The following PPP1R12C variants were observed in gnomAD, a reference collection of about 807,000 sequenced individuals.
PPP1R12C encodes leukocyte receptor cluster (LRC) encoded novel gene 3.
A neutral mutation model predicts 95.6 loss-of-function variants in PPP1R12C; 48 were observed. That is an observed-to-expected ratio of 0.50 (90% CI 0.40 to 0.64). The LOEUF (loss-of-function observed/expected upper bound fraction) is 0.64, where lower values mean the gene tolerates loss of function less well. Ranked by LOEUF, PPP1R12C falls within the 30% of genes least tolerant of loss-of-function variation. PPP1R12C has a pLI of 0.00. For missense variants in PPP1R12C, 1,057 were observed against 1,083.3 expected (o/e 0.98, Z 0.34); for synonymous variants, 480 against 460.8 (o/e 1.04, Z -0.53).
At chr19:55,113,476 GCCA>G (rs1453001866) in intron 1 of PPP1R12C, 15 of 1,472,700 alleles carry the variant, frequency 1.0e-5, no homozygotes, top group Non-Finnish European at 1.3e-5. Flanking sequence ...GCTGACACGG[GCCA>G]CCGTTTCTCA....
At chr19:55,096,414 AGGAGCTCACTGCCCAGGCGGGCACCGAG>A in intron 6 of PPP1R12C, 79 bp from the exon 7 acceptor site, 1 of 1,504,592 alleles carries the variant, frequency 6.6e-7, no homozygotes, top group East Asian at 2.3e-5. Flanking sequence ...ACAGCTGTGC[AGGAGCTCACTGCCCAGGCGGGCACCGAG>A]GGCTCGTGGG....
At chr19:55,108,957 C>T (rs184492079) in intron 3 of PPP1R12C, among the ~76,000 whole-genome samples, 3 of 152,288 alleles carry the variant, frequency 2.0e-5, no homozygotes, top group East Asian at 1.9e-4. Context: ...CCGCCCGCCT[C>T]GGCCTCCCTA....
chr19:55,092,740 G>A (rs191802870), intron 16 of PPP1R12C, 43 bp downstream of exon 16: 81 of 990,646 alleles, frequency 8.2e-5, no homozygotes, highest in African/African-American at 7.4e-4. Context: ...CCCGCCCCCC[G>A]GCCCACCCTC....
chr19:55,107,511 A>G (rs1414327644), intron 3 of PPP1R12C, among the ~76,000 whole-genome samples: 1 of 152,172 alleles, frequency 6.6e-6, no homozygotes, highest in Non-Finnish European at 1.5e-5. Flanking sequence ...ACCATGGAAT[A>G]CTATGCAGCC....
intron 3 of PPP1R12C, among the ~76,000 whole-genome samples, chr19:55,104,199 T>TAC (rs1555850741): frequency 0.37 from 44,500 of 119,456 alleles, 8,784 homozygotes; most frequent in South Asian, 0.59. Context: ...TATATATATA[T>TAC]ACACACACAC....
In PPP1R12C at chr19:55,096,097, C is replaced by T; in HGVS notation, c.1107G>A (p.Gly369=). The T allele has an allele frequency of 6.2e-7, 1 of 1,601,016 alleles. No individual in the cohort carries two copies. Among genetic ancestry groups the T allele is most frequent in the Non-Finnish European group, 8.5e-7 (1 of 1,175,118 alleles). ...CATCCTCGTCCTGGATGGGGGGCCC[C>T]CCAGCCCCACCAGGCCGGCGCTCCT... ...LSKERRPGGA[G]GPPIQDEDEG... Residue 369 remains glycine (G), a synonymous_variant, in exon 8 of 22, where the codon GGG becomes GGA. Coordinates refer to ENST00000263433, the MANE Select transcript of PPP1R12C (RefSeq NM_017607.4).
At chr19:55,113,009 C>G in intron 1 of PPP1R12C, 2 of 617,692 alleles carry the variant, frequency 3.2e-6, no homozygotes, top group South Asian at 4.2e-5. Flanking sequence ...GTGGAAACCA[C>G]GAAAGGACTC....
chr19:55,103,550 G>A lies in PPP1R12C; in HGVS notation c.590C>T (p.Ala197Val). 2 of 1,590,384 alleles carry A rather than the reference G, an allele frequency of 1.3e-6. No homozygotes were observed. Among genetic ancestry groups the A allele is most frequent in the South Asian group, 1.1e-5 (1 of 89,498 alleles). Residue 197 changes from alanine to valine, a missense_variant, in exon 4 of 22, where the codon GCC (alanine) becomes GTC (valine). Physicochemically the swap from Ala to Val is moderately conservative, Grantham distance 64. Transcript: ENST00000263433. ...GAGCAATTCCTCTTCTGCCCGCTTGGCTGCTTCCACATCCACACCTAGGAG... is the reference window on the plus strand; with the variant it reads ...GAGCAATTCCTCTTCTGCCCGCTTGACTGCTTCCACATCCACACCTAGGAG... Reference protein sequence around the residue: ...IARRGVDVEAAKRAEEELLLH... With the variant: ...IARRGVDVEAVKRAEEELLLH...
At chr19:55,104,197 T>C (rs372181728) in intron 3 of PPP1R12C, among the ~76,000 whole-genome samples, 35 of 114,060 alleles carry the variant, frequency 3.1e-4, no homozygotes, top group African/African-American at 8.0e-4. Context: ...TATATATATA[T>C]ATACACACAC....
rs1267593647 is a variant in PPP1R12C, at chr19:55,117,319, G to A, written c.225C>T (p.Asp75=). The stretch of plus-strand genomic sequence containing the variant: ...GGTCGAGCTCGGCGCCGGGGCCAGG[G>A]TCGGCGGCGCGCAGCATCAGACGCG... ...DEARLMLRAA[D]PGPGAELDPA... The change falls in exon 1 of 22, where the codon GAC becomes GAT. Residue 75 remains aspartate (D), a synonymous_variant. Coordinates refer to ENST00000263433, the MANE Select transcript of PPP1R12C (RefSeq NM_017607.4). 8 of 1,184,860 alleles carry A rather than the reference G, an allele frequency of 6.8e-6. No individual in the cohort carries two copies. In the East Asian group the frequency reaches 2.6e-4, roughly 39 times the overall value. 73.4% of individuals were successfully genotyped at this position (1,184,860 alleles called of 1,614,324 possible). A position where few individuals can be genotyped will look rare whatever the true frequency, so the allele number is the denominator to read the frequency against.
Position 55,095,891 on chromosome 19 carries a change from C to A in PPP1R12C, c.1203G>T (p.Pro401=), listed in dbSNP as rs376962430. ...CCACGGGACTCTTAGGGCTGGGGTG[C>A]GGCGGGGAGGAGACGCCATTGAGGG... ...PRTLNGVSSP[P]HPSPKSPVQL... Residue 401 remains proline (P), a synonymous_variant, in exon 9 of 22, where the codon CCG becomes CCT. Coordinates refer to ENST00000263433, the MANE Select transcript of PPP1R12C (RefSeq NM_017607.4). 15 of 1,613,518 alleles carry A rather than the reference C, an allele frequency of 9.3e-6. No individual in the cohort carries two copies. The highest frequency in any genetic ancestry group is 1.3e-5 in the African/African-American group (1 of 75,030).
At chr19:55,112,877 A>C in intron 1 of PPP1R12C, 82 bp from the exon 2 acceptor site, 1 of 1,569,124 alleles carries the variant, frequency 6.4e-7, no homozygotes, top group Non-Finnish European at 8.7e-7. Flanking sequence ...GGAGCCACGA[A>C]AACAGATCCA....
At position 55,095,905 on chromosome 19, in the gene PPP1R12C, C is replaced by T. The variant is rs182130382; in HGVS notation, c.1189G>A (p.Val397Ile). Reference sequence around the variant, plus strand: ...GGGCTGGGGTGCGGCGGGGAGGAGACGCCATTGAGGGTTCTGGGTTCTGCA... The same window carrying T: ...GGGCTGGGGTGCGGCGGGGAGGAGATGCCATTGAGGGTTCTGGGTTCTGCA... ...PPAEPRTLNG[V>I]SSPPHPSPKS... is the part of the protein sequence containing the mutation. Residue 397 changes from valine to isoleucine, a missense_variant, in exon 9 of 22, where the codon GTC becomes ATC. By Grantham distance (29) the Val-to-Ile change is conservative (BLOSUM62 3). Coordinates refer to ENST00000263433, the MANE Select transcript of PPP1R12C (RefSeq NM_017607.4). 24 of 1,613,232 alleles carry T rather than the reference C, an allele frequency of 1.5e-5. No individual in the cohort carries two copies. The highest frequency in any genetic ancestry group is 2.7e-5 in the African/African-American group (2 of 74,900).
Position 55,109,109 on chromosome 19 carries a change from C to T in PPP1R12C, c.571+3358G>A, listed in dbSNP as rs1159875408. Among the ~76,000 whole-genome samples, 1 of 152,098 alleles carries T rather than the reference C, an allele frequency of 6.6e-6. No individual in the cohort carries two copies. Among genetic ancestry groups the T allele is most frequent in the Non-Finnish European group, 1.5e-5 (1 of 68,018 alleles). ...GCTATGAACACGGGTATATAAATTGCCTTTTTTGTTTTGGTTTATTTGGTT... is the reference window on the plus strand; with the variant it reads ...GCTATGAACACGGGTATATAAATTGTCTTTTTTGTTTTGGTTTATTTGGTT... On this transcript the variant is annotated intron_variant, in intron 3 of 21. Transcript: ENST00000263433. This position sits in a 1 kb window ranked among gnomAD's most constrained non-coding sequence, Gnocchi z 4.4.
intron 1 of PPP1R12C, chr19:55,113,761 C>G: frequency 2.7e-6 from 1 of 369,644 alleles, no homozygotes; most frequent in Non-Finnish European, 4.6e-6. Context: ...AGGGGCCGCA[C>G]GTGCCCTGGG....
At chr19:55,112,313 C>A in intron 3 of PPP1R12C, 154 bp downstream of exon 3, 1 of 674,254 alleles carries the variant, frequency 1.5e-6, no homozygotes, top group South Asian at 2.0e-5. Flanking sequence ...GCCCCTACAC[C>A]CCCATTTCAC....
chr19:55,110,467 A>G (rs1041761403), intron 3 of PPP1R12C, among the ~76,000 whole-genome samples: 1 of 151,678 alleles, frequency 6.6e-6, no homozygotes, highest in Non-Finnish European at 1.5e-5. Context: ...GTGAGAGTGT[A>G]GCATCAAGGT....
At chr19:55,111,255 T>A (rs1178075102) in intron 3 of PPP1R12C, 1 of 151,896 alleles carries the variant, frequency 6.6e-6, no homozygotes, top group African/African-American at 2.4e-5. Context: ...CCCGACCCCG[T>A]GAATAGACTA....
At chr19:55,097,868 G>T (rs983077196) in intron 6 of PPP1R12C, among the ~76,000 whole-genome samples, 3 of 151,988 alleles carry the variant, frequency 2.0e-5, no homozygotes, top group African/African-American at 7.3e-5. Flanking sequence ...CCTCATGGCC[G>T]TATCACCCTC....
Sources: gnomAD v4.1 joint callset for allele counts (sites outside exome capture counted in the v4.1 genomes callset) on GRCh38, gnomAD v4.1.1 for gene constraint, Gnocchi (gnomAD v3.1) non-coding constraint, MANE v1.5 for transcripts, NCBI Gene and HGNC (gene_info 2026-07-23, HGNC 2026-07-21) for gene names.